BLNK: variants seen among roughly 807,000 people sequenced by gnomAD.
BLNK encodes B-cell linker protein.
BLNK carries 29 observed loss-of-function variants against 73.5 expected under a neutral mutation model. The ratio of observed to expected loss-of-function variants is 0.39; its 90% CI spans 0.29 to 0.54. The LOEUF (loss-of-function observed/expected upper bound fraction) is 0.54, where lower values mean the gene tolerates loss of function less well. Among genes scored for constraint, BLNK ranks in the 20% least tolerant of loss-of-function variants. The pLI is 0.61. For synonymous variants in BLNK, 176 were observed against 200.8 expected (o/e 0.88, Z 1.04); for missense variants, 460 against 562.8 (o/e 0.82, Z 1.85).
intron 3 of BLNK, among the ~76,000 whole-genome samples, chr10:96,240,457 G>A (rs1344051309): frequency 6.6e-6 from 1 of 152,008 alleles, no homozygotes; most frequent in African/African-American, 2.4e-5. Context: ...ATGGGATCTC[G>A]CTATATTGAC....
intron 12 of BLNK, 118 bp downstream of exon 12, chr10:96,204,414 T>G: frequency 1.7e-5 from 20 of 1,190,226 alleles, no homozygotes; most frequent in Non-Finnish European, 2.5e-5. Flanking sequence ...TGCAAAACAA[T>G]GAAATGTTGG....
intron 4 of BLNK, among the ~76,000 whole-genome samples, chr10:96,230,242 T>C (rs587608363): frequency 6.6e-6 from 1 of 152,308 alleles, no homozygotes; most frequent in South Asian, 2.1e-4. Flanking sequence ...GCTCTGCTAA[T>C]GTTCTCTTGA....
chr10:96,242,922 T>G, intron 2 of BLNK, 138 bp from the exon 3 acceptor site: 1 of 790,992 alleles, frequency 1.3e-6, no homozygotes, highest in Non-Finnish European at 2.3e-6. Context: ...AATGGACAGA[T>G]TTGATGTATT....
chr10:96,200,175 A>G lies in BLNK; in HGVS notation c.1012-17T>C, dbSNP rs2083592093. The G allele has an allele frequency of 6.2e-7, 1 of 1,611,414 alleles. No homozygotes were observed. The highest frequency in any genetic ancestry group is 8.5e-7 in the Non-Finnish European group (1 of 1,177,776). ...GCCAGCTTCCTGTGAAATGGAGGGC[A>G]CTGGTCAGCATGGGATGGTCCCTAC... On this transcript the variant is annotated splice_polypyrimidine_tract_variant and intron_variant, in intron 14 of 16. Transcript: ENST00000224337. The surrounding 1 kb of genome is among the most constrained non-coding windows in gnomAD (Gnocchi z 4.3).
At chr10:96,205,496 C>A (rs1354324929) in intron 11 of BLNK, among the ~76,000 whole-genome samples, 1 of 152,178 alleles carries the variant, frequency 6.6e-6, no homozygotes, top group South Asian at 2.1e-4. Context: ...AGCTTGGAAA[C>A]CTTGAACCTC....
intron 2 of BLNK, among the ~76,000 whole-genome samples, chr10:96,245,522 G>A (rs1156302272): frequency 3.3e-5 from 5 of 152,148 alleles, no homozygotes; most frequent in South Asian, 4.1e-4. Flanking sequence ...ATCCAAAAAT[G>A]TTGTACCGGT....
At chr10:96,259,670 CTTTTTTTTTTTT>C (rs57821919) in intron 1 of BLNK, among the ~76,000 whole-genome samples, 1 of 44,870 alleles carries the variant, frequency 2.2e-5, no homozygotes, top group East Asian at 8.0e-4. Flanking sequence ...CACACCCTAC[CTTTTTTTTTTTT>C]TTTTTTTTTT....
intron 13 of BLNK, among the ~76,000 whole-genome samples, chr10:96,202,311 A>G (rs1397339011): frequency 2.6e-5 from 4 of 152,286 alleles, no homozygotes; most frequent in African/African-American, 9.6e-5. Context: ...AGAGGGTGGC[A>G]ACAGCAGAGT....
chr10:96,227,692 A>G, intron 4 of BLNK, 126 bp from the exon 5 acceptor site: 1 of 1,445,220 alleles, frequency 6.9e-7, no homozygotes, highest in Non-Finnish European at 9.6e-7. Flanking sequence ...TTGACTTCAA[A>G]AGGCTAGGCA....
intron 1 of BLNK, among the ~76,000 whole-genome samples, chr10:96,256,058 G>T (rs964492296): frequency 2.5e-4 from 38 of 152,278 alleles, no homozygotes; most frequent in African/African-American, 9.1e-4. Flanking sequence ...AGGGCCAGGC[G>T]TGGTGGTTCA....
intron 3 of BLNK, chr10:96,239,295 G>C (rs1299699898): frequency 2.5e-6 from 1 of 396,306 alleles, no homozygotes; most frequent in Non-Finnish European, 4.4e-6. Flanking sequence ...TGTTTCTGCA[G>C]GAGTGCAGAA....
intron 6 of BLNK, among the ~76,000 whole-genome samples, chr10:96,217,327 A>G (rs1289822948): frequency 6.6e-6 from 1 of 152,192 alleles, no homozygotes; most frequent in African/African-American, 2.4e-5. Flanking sequence ...GGAATATCCT[A>G]GAAGTGAAAT....
At chr10:96,220,933 C>G (rs587620665) in intron 6 of BLNK, among the ~76,000 whole-genome samples, 1 of 152,326 alleles carries the variant, frequency 6.6e-6, no homozygotes, top group East Asian at 1.9e-4. Flanking sequence ...CTTATTTTCA[C>G]TTTCCCATCG....
Position 96,242,607 on chromosome 10 carries a change from C to T in BLNK, c.163+128G>A, listed in dbSNP as rs1291722759. 68 of 964,556 alleles carry T rather than the reference C, an allele frequency of 7.0e-5. No homozygotes were observed. The South Asian group carries it at 9.3e-4, about 13-fold the overall frequency. 59.7% of individuals were successfully genotyped at this position (964,556 alleles called of 1,614,324 possible). On this transcript the variant is annotated intron_variant, in intron 3 of 16. Transcript: ENST00000224337. The stretch of plus-strand genomic sequence containing the variant: ...AAAATGCCTAATAGATTTAGTCATT[C>T]TTGAAATTAGAAAAGATACCTTTTG...
intron 3 of BLNK, among the ~76,000 whole-genome samples, chr10:96,240,053 C>A (rs907973117): frequency 6.6e-6 from 1 of 152,232 alleles, no homozygotes; most frequent in Non-Finnish European, 1.5e-5. Context: ...GATCTTCCCA[C>A]ACCACCTAAG....
intron 3 of BLNK, among the ~76,000 whole-genome samples, chr10:96,232,645 C>T (rs924386318): frequency 2.6e-5 from 4 of 152,122 alleles, no homozygotes; most frequent in Admixed American, 2.0e-4. Context: ...CACACTTTGA[C>T]GTGAACAGAA....
At chr10:96,240,321 C>T (rs1210283051) in intron 3 of BLNK, among the ~76,000 whole-genome samples, 2 of 152,174 alleles carry the variant, frequency 1.3e-5, no homozygotes, top group African/African-American at 4.8e-5. Flanking sequence ...AGCTGAAGCA[C>T]CTGGAGATGT....
At chr10:96,255,324 A>G (rs1554910758) in intron 1 of BLNK, among the ~76,000 whole-genome samples, 1 of 152,218 alleles carries the variant, frequency 6.6e-6, no homozygotes, top group Non-Finnish European at 1.5e-5. Flanking sequence ...TGACAAAAAC[A>G]CTTTTCCAAT....
At chr10:96,230,905 AC>A in intron 3 of BLNK, 71 bp from the exon 4 acceptor site, 1 of 1,514,648 alleles carries the variant, frequency 6.6e-7, no homozygotes, top group Non-Finnish European at 9.1e-7. Context: ...CCATCCACAC[AC>A]ATTTCGCACC....
Sources: gnomAD v4.1 joint callset for allele counts (sites outside exome capture counted in the v4.1 genomes callset) on GRCh38, gnomAD v4.1.1 for gene constraint, Gnocchi (gnomAD v3.1) non-coding constraint, MANE v1.5 for transcripts, NCBI Gene and HGNC (gene_info 2026-07-23, HGNC 2026-07-21) for gene names.